The following EYS variants were observed in gnomAD, a reference collection of about 807,000 sequenced individuals.
EYS encodes the protein protein eyes shut homolog.
Under a neutral mutation model 282.1 loss-of-function variants are expected in EYS, and 250 were observed. The observed-to-expected ratio is 0.89, with a 90% CI of 0.80 to 0.98. EYS has a LOEUF of 0.98. Among genes scored for constraint, EYS ranks in the 50% least tolerant of loss-of-function variants. EYS has a pLI of 0.00. For missense variants in EYS, 4,016 were observed against 3,709.0 expected, an observed-to-expected ratio of 1.08 and a Z score of -2.15; for synonymous variants, 1,355 against 1,282.9, an observed-to-expected ratio of 1.06 and a Z score of -1.20.
In EYS at chr6:64,822,774, A is replaced by G. The variant is rs1269732161; in HGVS notation, c.3041T>C (p.Leu1014Pro). 2 of 1,550,102 alleles carry G rather than the reference A, an allele frequency of 1.3e-6. No homozygotes were observed. Among genetic ancestry groups the G allele is most frequent in the Non-Finnish European group, 1.7e-6 (2 of 1,145,996 alleles). ...NLDECLSEPC[L>P]HDGVCIDGIN... ...GCCATCGATACAAACTCCATCATGG[A>G]GACAGGGCTCTGATAGGCATTCATC... Residue 1014 changes from leucine to proline, a missense_variant, in exon 20 of 43, where the codon CTC (leucine) becomes CCC (proline). Coordinates refer to ENST00000503581, the MANE Select transcript of EYS (RefSeq NM_001142800.2).
intron 12 of EYS, among the ~76,000 whole-genome samples, chr6:65,176,542 TTC>T (rs1374396164): frequency 6.6e-6 from 1 of 151,634 alleles, no homozygotes; most frequent in Non-Finnish European, 1.5e-5. Flanking sequence ...AATAATAACT[TTC>T]TATATACTTT....
intron 1 of EYS, among the ~76,000 whole-genome samples, chr6:65,689,229 A>G (rs558283012): frequency 6.6e-6 from 1 of 150,384 alleles, no homozygotes; most frequent in African/African-American, 2.4e-5. Context: ...TTGTAGGGAC[A>G]TGGATGAAGC....
At chr6:65,008,721 T>C (rs1365453708) in intron 13 of EYS, among the ~76,000 whole-genome samples, 2 of 152,116 alleles carry the variant, frequency 1.3e-5, no homozygotes, top group Non-Finnish European at 2.9e-5. Context: ...AACCAGATGA[T>C]CCACCAGCAG....
chr6:65,518,059 C>G (rs1196863773), intron 2 of EYS, among the ~76,000 whole-genome samples: 2 of 151,994 alleles, frequency 1.3e-5, no homozygotes, highest in Admixed American at 6.6e-5. Context: ...CTAAATCTCA[C>G]AACAGCTTTA....
At chr6:65,412,530 A>T (rs747892657) in intron 5 of EYS, among the ~76,000 whole-genome samples, 1 of 152,150 alleles carries the variant, frequency 6.6e-6, no homozygotes, top group African/African-American at 2.4e-5. Flanking sequence ...CTATTTTAAT[A>T]GGTATGTAGC....
chr6:65,704,662 C>T (rs1488636334), intron 1 of EYS, among the ~76,000 whole-genome samples: 5 of 152,114 alleles, frequency 3.3e-5, no homozygotes, highest in African/African-American at 2.4e-5. Context: ...TATAATAACT[C>T]AAGAATAGAC....
chr6:65,535,573 A>G (rs1385888473), intron 2 of EYS, among the ~76,000 whole-genome samples: 5 of 152,216 alleles, frequency 3.3e-5, no homozygotes, highest in African/African-American at 9.6e-5. Context: ...ACCCAGTCTC[A>G]GGTATGTCTT....
At chr6:64,379,334 A>T (rs1772668058) in intron 29 of EYS, among the ~76,000 whole-genome samples, 3 of 152,196 alleles carry the variant, frequency 2.0e-5, no homozygotes, top group Non-Finnish European at 4.4e-5. Context: ...CAGGGTTTTT[A>T]AATTGTGATC....
At chr6:65,512,267 C>A (rs565343420) in intron 2 of EYS, among the ~76,000 whole-genome samples, 5 of 151,872 alleles carry the variant, frequency 3.3e-5, no homozygotes, top group African/African-American at 1.2e-4. Flanking sequence ...CCAAGGCAGG[C>A]GGTTCACGAG....
At chr6:64,057,441 G>T (rs1339927853) in intron 33 of EYS, among the ~76,000 whole-genome samples, 1 of 147,400 alleles carries the variant, frequency 6.8e-6, no homozygotes, top group Non-Finnish European at 1.5e-5. Context: ...ATGATGCTCT[G>T]TTATTATAAT....
At chr6:65,473,391 G>A (rs980135171) in intron 5 of EYS, among the ~76,000 whole-genome samples, 1 of 151,858 alleles carries the variant, frequency 6.6e-6, no homozygotes, top group Non-Finnish European at 1.5e-5. Context: ...AGAGGTTACT[G>A]TGTCAATACC....
rs567840310 is a variant in EYS, at chr6:64,453,392, C to T, written c.5645-14040G>A. The stretch of plus-strand genomic sequence containing the variant: ...GAGAGGATGTGGAGAAATAGGAATG[C>T]TTTTACACTGTTGGTGGGACTGTAA... On this transcript the variant is annotated intron_variant, in intron 26 of 42. Transcript: ENST00000503581. Among the ~76,000 whole-genome samples, 618 of 152,272 alleles carry T rather than the reference C, an allele frequency of 4.1e-3. 6 individuals carry two copies. The highest frequency in any genetic ancestry group is 0.017 in the South Asian group (81 of 4,822).
At chr6:64,735,835 C>T (rs1256908774) in intron 22 of EYS, among the ~76,000 whole-genome samples, 8 of 151,880 alleles carry the variant, frequency 5.3e-5, no homozygotes, top group African/African-American at 1.9e-4. Context: ...ATACAAATTC[C>T]TATTTCATGG....
chr6:64,402,350 T>A (rs1773561153), intron 28 of EYS, among the ~76,000 whole-genome samples: 1 of 152,212 alleles, frequency 6.6e-6, no homozygotes, highest in Non-Finnish European at 1.5e-5. Context: ...CATCTTTGAT[T>A]TCTTAATAAA....
At chr6:64,997,840 G>T in intron 13 of EYS, 137 bp from the exon 14 acceptor site, 1 of 673,822 alleles carries the variant, frequency 1.5e-6, no homozygotes, top group Non-Finnish European at 2.3e-6. Flanking sequence ...ATATTTAATC[G>T]ATTACATAGT....
intron 33 of EYS, among the ~76,000 whole-genome samples, chr6:64,000,844 C>T (rs749830959): frequency 6.6e-6 from 1 of 152,098 alleles, no homozygotes; most frequent in Non-Finnish European, 1.5e-5. Flanking sequence ...GATCAGGTCA[C>T]TGTTAAAAAT....
At chr6:64,032,178 GA>G (rs1040771809) in intron 33 of EYS, among the ~76,000 whole-genome samples, 25 of 151,952 alleles carry the variant, frequency 1.6e-4, no homozygotes, top group Admixed American at 1.5e-3. Context: ...GCGAGACCAC[GA>G]ACCCACCAGA....
chr6:64,926,868 A>C (rs1297942236), intron 15 of EYS, among the ~76,000 whole-genome samples: 1 of 152,218 alleles, frequency 6.6e-6, no homozygotes, highest in Non-Finnish European at 1.5e-5. Context: ...ATACCAAGAC[A>C]TACGTTAATT....
intron 32 of EYS, among the ~76,000 whole-genome samples, chr6:64,068,734 A>G (rs531673299): frequency 6.6e-6 from 1 of 152,124 alleles, no homozygotes; most frequent in South Asian, 2.1e-4. Context: ...TGTAAGCTTT[A>G]CTTAAGTTCT....
Sources: gnomAD v4.1 joint callset for allele counts (sites outside exome capture counted in the v4.1 genomes callset) on GRCh38, gnomAD v4.1.1 for gene constraint, MANE v1.5 for transcripts, NCBI Gene and HGNC (gene_info 2026-07-23, HGNC 2026-07-21) for gene names.